Variants in ASMTL observed in about 807,000 individuals in gnomAD.
ASMTL encodes the protein probable bifunctional dTTP/UTP pyrophosphatase/methyltransferase protein.
In ASMTL, 57 loss-of-function variants were observed where a neutral mutation model predicts 60.3. That is an observed-to-expected ratio of 0.95 (90% confidence interval 0.76 to 1.18). ASMTL has a LOEUF of 1.18. Ranked by LOEUF, ASMTL falls within the 50% of genes most tolerant of loss-of-function variation. The probability of loss-of-function intolerance (pLI) is 0.00; values close to 1 mark genes in which losing one functional copy is unlikely to be tolerated. For missense variants in ASMTL, 981 were observed against 852.6 expected (o/e 1.15, Z -1.88); for synonymous variants, 419 against 373.0 (o/e 1.12, Z -1.42).
At chrX:1,418,615 G>T (rs772592725) in intron 10 of ASMTL, among the ~76,000 whole-genome samples, 47 of 152,084 alleles carry the variant, frequency 3.1e-4, no homozygotes, top group Admixed American at 3.0e-3. Context: ...CCCAGGCCCC[G>T]ATCCCCCAGC....
At chrX:1,414,667 C>T (rs2090166586) in intron 11 of ASMTL, among the ~76,000 whole-genome samples, 9 of 152,108 alleles carry the variant, frequency 5.9e-5, no homozygotes, top group Admixed American at 5.9e-4. Flanking sequence ...AAGATCACGC[C>T]ACTGCACTCC....
At chrX:1,406,571 TG>T (rs747365681) in intron 12 of ASMTL, among the ~76,000 whole-genome samples, 2 of 149,810 alleles carry the variant, frequency 1.3e-5, no homozygotes, top group African/African-American at 4.9e-5. Flanking sequence ...GATGGATAGA[TG>T]GCATGGATGA....
chrX:1,439,096 C>G lies in ASMTL; in HGVS notation c.273+1G>C. On this transcript the variant is annotated splice_donor_variant, in intron 3 of 12. Transcript: ENST00000381317. LOFTEE classifies it high-confidence loss of function. ...AAACGAGGCACCCTGGCCGCACTCA[C>G]CACGATCGTGTCCGCTCCAATGACC... 2 of 1,614,002 alleles carry G rather than the reference C, an allele frequency of 1.2e-6. No homozygotes were observed. Among genetic ancestry groups the G allele is most frequent in the African/African-American group, 2.7e-5 (2 of 75,066 alleles).
chrX:1,431,696 T>C (rs1165489749), intron 6 of ASMTL, among the ~76,000 whole-genome samples: 16 of 148,206 alleles, frequency 1.1e-4, no homozygotes, highest in African/African-American at 3.9e-4. Context: ...TAATGTGGAA[T>C]ACATAAATTA....
intron 5 of ASMTL, among the ~76,000 whole-genome samples, chrX:1,433,516 A>AAG (rs1556663248): frequency 6.7e-6 from 1 of 149,862 alleles, no homozygotes; most frequent in Non-Finnish European, 1.5e-5. Context: ...AAAAAAAAAA[A>AAG]AAAAAAATAG....
At chrX:1,445,758 A>G (rs1222499473) in intron 1 of ASMTL, among the ~76,000 whole-genome samples, 1 of 152,194 alleles carries the variant, frequency 6.6e-6, no homozygotes, top group Non-Finnish European at 1.5e-5. Context: ...GTTGGTAGTA[A>G]TTACTCTTTA....
chrX:1,412,086 G>C (rs1189645740), intron 12 of ASMTL, among the ~76,000 whole-genome samples: 1 of 151,978 alleles, frequency 6.6e-6, no homozygotes, highest in Non-Finnish European at 1.5e-5. Flanking sequence ...CGAAGTGCGG[G>C]GATGACAGGC....
At chrX:1,405,168 ATGGT>A (rs1420084525) in intron 12 of ASMTL, among the ~76,000 whole-genome samples, 5 of 151,498 alleles carry the variant, frequency 3.3e-5, no homozygotes, top group Admixed American at 1.3e-4. Flanking sequence ...GATGAGATGG[ATGGT>A]TGGGTGAATA....
intron 10 of ASMTL, 112 bp downstream of exon 10, chrX:1,418,870 C>T (rs2090391502): frequency 1.7e-5 from 24 of 1,372,854 alleles, no homozygotes; most frequent in Admixed American, 5.7e-5. Flanking sequence ...CGGTTCAGGT[C>T]GTTATCAGGT....
intron 1 of ASMTL, among the ~76,000 whole-genome samples, chrX:1,447,998 A>ACCGCCATCTTGGATAAGAG (rs2091265977): frequency 1.3e-5 from 2 of 149,610 alleles, no homozygotes; most frequent in East Asian, 4.0e-4. Flanking sequence ...TTGGATAAGA[A>ACCGCCATCTTGGATAAGAG]CCACCATCTT....
At chrX:1,435,170 G>A (rs375973453) in intron 4 of ASMTL, 87 bp from the exon 5 acceptor site, 43 of 1,383,628 alleles carry the variant, frequency 3.1e-5, no homozygotes, top group East Asian at 2.5e-4. Context: ...GGGAGGCAGC[G>A]AGGCGTCCTT....
At chrX:1,413,987 T>C (rs117878445) in intron 11 of ASMTL, 2 of 151,990 alleles carry the variant, frequency 1.3e-5, no homozygotes, top group Admixed American at 6.6e-5. Context: ...AACCTGGGAA[T>C]GGGACCTCAT....
intron 2 of ASMTL, among the ~76,000 whole-genome samples, chrX:1,440,611 T>C (rs2091086083): frequency 6.6e-6 from 1 of 152,146 alleles, no homozygotes; most frequent in Non-Finnish European, 1.5e-5. Context: ...TAATTGTACA[T>C]CCTAAATGAC....
chrX:1,406,501 G>C (rs752998064), intron 12 of ASMTL, among the ~76,000 whole-genome samples: 1 of 151,646 alleles, frequency 6.6e-6, no homozygotes, highest in Admixed American at 6.6e-5. Flanking sequence ...ATAGATGGAT[G>C]TATGGATGTG....
At chrX:1,435,655 C>G (rs377559331) in intron 4 of ASMTL, 39 bp downstream of exon 4, 125 of 1,608,402 alleles carry the variant, frequency 7.8e-5, no homozygotes, top group Non-Finnish European at 9.4e-5. Flanking sequence ...CTCTGTGGCT[C>G]AGAACCCGAG....
At chrX:1,435,479 A>G in intron 4 of ASMTL, 1 of 634,222 alleles carries the variant, frequency 1.6e-6, no homozygotes, top group South Asian at 1.9e-5. Context: ...GGCATGAGAC[A>G]TTCTGGGATC....
intron 11 of ASMTL, among the ~76,000 whole-genome samples, chrX:1,414,946 T>A (rs111350197): frequency 0.026 from 4,018 of 151,706 alleles, 202 homozygotes; most frequent in African/African-American, 0.091. Flanking sequence ...TTTTTTATTT[T>A]TTTATTTTTT....
At chrX:1,443,236 A>G (rs1208627754) in intron 1 of ASMTL, among the ~76,000 whole-genome samples, 15 of 95,262 alleles carry the variant, frequency 1.6e-4, no homozygotes, top group African/African-American at 5.6e-4. Context: ...GTGCACACAC[A>G]CCGCCGTCGT....
upstream of ASMTL, among the ~76,000 whole-genome samples, chrX:1,453,461 G>A (rs1383922873): frequency 2.6e-5 from 4 of 152,010 alleles, no homozygotes; most frequent in African/African-American, 9.7e-5. Flanking sequence ...CCCGCCTGCG[G>A]CGCCAAGACC....
Sources: allele counts gnomAD v4.1 joint callset (sites outside exome capture counted in the v4.1 genomes callset), GRCh38; gene constraint gnomAD v4.1.1; transcripts MANE v1.5; gene names NCBI Gene and HGNC (gene_info 2026-07-23, HGNC 2026-07-21).